Variants in NPY4R2 observed in about 807,000 individuals in gnomAD.
NPY4R2 encodes neuropeptide Y receptor Y4-2.
For missense variants in NPY4R2, 7 were observed against 268.8 expected, an observed-to-expected ratio of 0.03 and a Z score of 6.81; for synonymous variants, 6 against 115.2, an observed-to-expected ratio of 0.05 and a Z score of 6.07.
upstream of NPY4R2, among the ~76,000 whole-genome samples, chr10:47,918,379 G>GAC (rs1841034391): frequency 7.7e-5 from 1 of 12,914 alleles, no homozygotes; most frequent in Admixed American, 1.1e-3. Context: ...GAGAGAGAGA[G>GAC]AGAGAGAAAG....
rs1393023233 is a variant in NPY4R2 at position 47,920,629 on chromosome 10, T to C, written c.-215-109T>C. On this transcript the variant is annotated intron_variant, in intron 1 of 2. Transcript: ENST00000576178. ...ATGTAAAAAATACATATGGCCATGA[T>C]ATGAGACTTAAAGAATATCTCGAAT... 4.7e-5 allele frequency: 6 copies of C among 126,856 alleles called. No homozygotes were observed. In the Admixed American group the frequency reaches 5.1e-4, roughly 11 times the overall value. 7.9% of individuals were successfully genotyped at this position (126,856 alleles called of 1,614,324 possible). A position where few individuals can be genotyped will look rare whatever the true frequency, so the allele number is the denominator to read the frequency against.
upstream of NPY4R2, among the ~76,000 whole-genome samples, chr10:47,918,383 G>GAGAGAGAGAGAAAGAAAGAA: frequency 9.5e-5 from 1 of 10,502 alleles, no homozygotes; most frequent in Admixed American, 1.4e-3. Context: ...GAGAGAGAGA[G>GAGAGAGAGAGAAAGAAAGAA]AGAAAGAAAG....
upstream of NPY4R2, among the ~76,000 whole-genome samples, chr10:47,916,691 T>C (rs1554991852): frequency 5.7e-4 from 77 of 134,920 alleles, no homozygotes; most frequent in African/African-American, 1.9e-3. Context: ...TTTACCACCA[T>C]TTCAGCTCTT....
chr10:47,922,779 TGTG>T (rs1304266709), exon 3 of NPY4R2: 10 of 1,488,434 alleles, frequency 6.7e-6, no homozygotes, highest in African/African-American at 1.4e-5. Flanking sequence ...AGCAGGTCAA[TGTG>T]GTGCTGGTGG....
At chr10:47,918,356 GGA>G (rs139901640), upstream of NPY4R2, among the ~76,000 whole-genome samples, 59 of 17,740 alleles carry the variant, frequency 3.3e-3, 7 homozygotes, top group African/African-American at 0.016. Context: ...GGGGAGGGAG[GGA>G]GAGAGAGAGA....
upstream of NPY4R2, among the ~76,000 whole-genome samples, chr10:47,918,370 AGAGAG>A (rs1569508880): frequency 0.02 from 406 of 20,180 alleles, 6 homozygotes; most frequent in African/African-American, 0.067. Context: ...AGAGAGAGAG[AGAGAG>A]AGAGAGAGAG....
chr10:47,920,157 G>A (rs1325089262), intron 1 of NPY4R2, among the ~76,000 whole-genome samples: 1 of 63,350 alleles, frequency 1.6e-5, no homozygotes, highest in Non-Finnish European at 2.7e-5. Flanking sequence ...TCCTGCCTTC[G>A]AGATCTGGTT....
chr10:47,916,574 G>A (rs1841668289), upstream of NPY4R2, among the ~76,000 whole-genome samples: 2 of 131,310 alleles, frequency 1.5e-5, 1 homozygote, highest in Non-Finnish European at 3.5e-5. Context: ...TTGAGGCTCA[G>A]TTTTCTCGCC....
At chr10:47,920,583 GCCT>G (rs1239879352) in intron 1 of NPY4R2, among the ~76,000 whole-genome samples, 152 bp from the exon 2 acceptor site, 3 of 126,402 alleles carry the variant, frequency 2.4e-5, no homozygotes, top group African/African-American at 9.1e-5. Flanking sequence ...TGCAAAAACT[GCCT>G]TAACATAGCA....
At chr10:47,920,860 CT>C (rs1478908388) in exon 2 of NPY4R2, 2 of 147,338 alleles carry the variant, frequency 1.4e-5, no homozygotes, top group African/African-American at 5.0e-5. Context: ...AACTGCAACC[CT>C]GTGGGATTAA....
intron 1 of NPY4R2, among the ~76,000 whole-genome samples, chr10:47,920,277 C>A (rs1841713196): frequency 1.1e-5 from 1 of 91,216 alleles, no homozygotes; most frequent in Middle Eastern, 4.8e-3. Flanking sequence ...CGCTCTGTTG[C>A]CCAGGCTGGA....
At position 47,920,963 on chromosome 10, in the gene NPY4R2, G is replaced by A. The variant is rs1554990398; in HGVS notation, c.-60+70G>A. The A allele has an allele frequency of 1.3e-4, 13 of 103,810 alleles. No homozygotes were observed. In the South Asian group the frequency reaches 1.6e-3, roughly 13 times the overall value. 6.4% of individuals were successfully genotyped at this position (103,810 alleles called of 1,614,324 possible). A position where few individuals can be genotyped will look rare whatever the true frequency, so the allele number is the denominator to read the frequency against. ...AAACATCCATCATTGGCACTAACAC[G>A]GGGGAACTCTGGAGTCTAAATTCCA... is the stretch of plus-strand genomic sequence containing the variant. On this transcript the variant is annotated intron_variant, in intron 2 of 2. Transcript: ENST00000576178.
chr10:47,918,383 G>GAGAGAGAA (rs1285737308), upstream of NPY4R2, among the ~76,000 whole-genome samples: 3 of 10,502 alleles, frequency 2.9e-4, no homozygotes, highest in Admixed American at 1.4e-3. Flanking sequence ...GAGAGAGAGA[G>GAGAGAGAA]AGAAAGAAAG....
intron 1 of NPY4R2, among the ~76,000 whole-genome samples, chr10:47,920,122 G>A (rs1840956298): frequency 5.0e-5 from 2 of 40,354 alleles, no homozygotes; most frequent in Non-Finnish European, 8.2e-5. Flanking sequence ...CTTTTTGCCC[G>A]AAGACCATAG....
chr10:47,920,735 C>G lies in NPY4R2; in HGVS notation c.-215-3C>G, dbSNP rs1554990475. ...AATCACATAGTCTACTTGTTAAATA[C>G]AGATTCCTGGCCCCCATCCTGGATT... On this transcript the variant is annotated splice_region_variant and splice_polypyrimidine_tract_variant and intron_variant, in intron 1 of 2. Transcript: ENST00000576178. 2.7e-5 allele frequency: 4 copies of G among 145,538 alleles called. No individual in the cohort carries two copies. Among genetic ancestry groups the G allele is most frequent in the African/African-American group, 1.0e-4 (4 of 39,162 alleles). The allele number at this position is 145,538 out of a possible 1,614,324, so 9.0% of individuals were successfully genotyped here. A position where few individuals can be genotyped will look rare whatever the true frequency, so the allele number is the denominator to read the frequency against.
chr10:47,922,221 G>A lies in NPY4R2; in HGVS notation c.234G>A (p.Leu78=), dbSNP rs1554989849. Reference sequence around the variant, plus strand: ...AGGAGAAAGCCAACGTGACCAACCTGCTTATCGCCAACCTGGCCTTCTCTG... The same window carrying A: ...AGGAGAAAGCCAACGTGACCAACCTACTTATCGCCAACCTGGCCTTCTCTG... Residue 78 remains leucine, a synonymous_variant, in exon 3 of 3, where the codon CTG becomes CTA. Transcript: ENST00000576178. 3.5e-6 allele frequency: 2 copies of A among 573,594 alleles called. 1 individual carries two copies. Among genetic ancestry groups the A allele is most frequent in the South Asian group, 6.6e-5 (2 of 30,112 alleles). 35.5% of individuals were successfully genotyped at this position (573,594 alleles called of 1,614,324 possible).
chr10:47,920,627 G>A (rs1446891604), intron 1 of NPY4R2, 111 bp from the exon 2 acceptor site: 5 of 126,774 alleles, frequency 3.9e-5, no homozygotes, highest in Non-Finnish European at 6.7e-5. Flanking sequence ...ATATGGCCAT[G>A]ATATGAGACT....
upstream of NPY4R2, among the ~76,000 whole-genome samples, chr10:47,918,425 GAA>G (rs1475980869): frequency 6.0e-4 from 21 of 34,802 alleles, 2 homozygotes; most frequent in East Asian, 6.6e-3. Flanking sequence ...AAGAAAGAAA[GAA>G]AGAAAGAGAG....
At chr10:47,921,026 T>C in intron 2 of NPY4R2, 133 bp downstream of exon 2, 1 of 111,074 alleles carries the variant, frequency 9.0e-6, no homozygotes, top group African/African-American at 3.4e-5. Flanking sequence ...GCTGAGGAGG[T>C]CCTCGGAGAA....
Sources: allele counts gnomAD v4.1 joint callset (sites outside exome capture counted in the v4.1 genomes callset), GRCh38; gene constraint gnomAD v4.1.1; transcripts MANE v1.5; gene names NCBI Gene and HGNC (gene_info 2026-07-23, HGNC 2026-07-21).